Variants in CCSER1 observed in about 807,000 individuals in gnomAD.
CCSER1 encodes the protein coiled-coil serine rich protein 1.
CCSER1 carries 41 observed loss-of-function variants against 82.0 expected under a neutral mutation model. That is an observed-to-expected ratio of 0.50 (90% confidence interval 0.39 to 0.65). The LOEUF is 0.65. Ranked by LOEUF, CCSER1 falls within the 30% of genes least tolerant of loss-of-function variation. CCSER1 has a pLI of 0.00. For missense variants in CCSER1, 1,119 were observed against 1,064.2 expected (o/e 1.05, Z -0.72); for synonymous variants, 414 against 383.9 (o/e 1.08, Z -0.92).
In CCSER1 at chr4:90,309,470, T is replaced by A. The variant is rs1734908829; in HGVS notation, c.1186T>A (p.Phe396Ile). The A allele has an allele frequency of 1.2e-6, 2 of 1,613,876 alleles. No individual in the cohort carries two copies. The highest frequency in any genetic ancestry group is 1.7e-6 in the Non-Finnish European group (2 of 1,179,804). ...LGTNSPRKLG[F>I]YEQHKAIAEH... ...GACAAACTCCCCAAGGAAACTTGGATTTTATGAGCAACATAAAGCAATAGC... is the reference window on the plus strand; with the variant it reads ...GACAAACTCCCCAAGGAAACTTGGAATTTATGAGCAACATAAAGCAATAGC... The change falls in exon 2 of 11, where the codon TTT (phenylalanine) becomes ATT (isoleucine). Residue 396 changes from phenylalanine (F) to isoleucine (I), a missense_variant. Coordinates refer to ENST00000509176, the MANE Select transcript of CCSER1 (RefSeq NM_001145065.2).
At chr4:90,808,140 C>A (rs1435649033) in intron 7 of CCSER1, among the ~76,000 whole-genome samples, 4 of 151,930 alleles carry the variant, frequency 2.6e-5, no homozygotes, top group African/African-American at 7.3e-5. Context: ...ATACACTGAG[C>A]AAAGAACACC....
chr4:90,601,320 A>T (rs1482329092), intron 5 of CCSER1, among the ~76,000 whole-genome samples: 3 of 151,664 alleles, frequency 2.0e-5, no homozygotes, highest in African/African-American at 7.3e-5. Context: ...TTTAATATAT[A>T]TTTAGATATC....
At chr4:91,551,057 T>C (rs1461908289) in intron 10 of CCSER1, among the ~76,000 whole-genome samples, 4 of 152,112 alleles carry the variant, frequency 2.6e-5, no homozygotes, top group Non-Finnish European at 4.4e-5. Flanking sequence ...TCAAATATAA[T>C]TCAAACTACT....
At chr4:90,930,241 C>G (rs1729563965) in intron 9 of CCSER1, among the ~76,000 whole-genome samples, 1 of 152,104 alleles carries the variant, frequency 6.6e-6, no homozygotes, top group Middle Eastern at 3.4e-3. Flanking sequence ...TCAAATTTTT[C>G]TAATATTTTT....
rs566802555 is a variant in CCSER1, at chr4:90,691,614, GTA to G, written c.1933-32294_1933-32293del. Among the ~76,000 whole-genome samples, 187 of 141,270 alleles carry G rather than the reference GTA, an allele frequency of 1.3e-3. 1 individual carries two copies. The highest frequency in any genetic ancestry group is 0.012 in the East Asian group (61 of 5,120). The allele number at this position is 141,270 out of a possible 152,430, so 92.7% of individuals were successfully genotyped here. ...TATATCACATGTGTATATATCACAT[GTA>G]TATATGTGTATGTATATATATCACA... On this transcript the variant is annotated intron_variant, in intron 6 of 10. Coordinates refer to ENST00000509176, the MANE Select transcript of CCSER1 (RefSeq NM_001145065.2).
At position 90,308,367 on chromosome 4, in the gene CCSER1, C is replaced by T. The variant is rs1334344518; in HGVS notation, c.83C>T (p.Ser28Phe). The T allele has an allele frequency of 6.2e-7, 1 of 1,613,498 alleles. No individual in the cohort carries two copies. Reference sequence around the variant, plus strand: ...AGAAGTATTAACAGAAGACATGATTCTCTTCCTTCTTCACCTTCTTCCAGT... The same window carrying T: ...AGAAGTATTAACAGAAGACATGATTTTCTTCCTTCTTCACCTTCTTCCAGT... ...FRRSINRRHDSLPSSPSSSNT... is the reference protein window; with the variant it reads ...FRRSINRRHDFLPSSPSSSNT... The change falls in exon 2 of 11, where the codon TCT (serine) becomes TTT (phenylalanine). Residue 28 changes from serine (S) to phenylalanine (F), a missense_variant. By Grantham distance (155) the Ser-to-Phe change is radical (BLOSUM62 -2). Transcript: ENST00000509176.
At chr4:90,685,480 C>T (rs1734659234) in intron 6 of CCSER1, among the ~76,000 whole-genome samples, 1 of 152,130 alleles carries the variant, frequency 6.6e-6, no homozygotes. Flanking sequence ...ATAGGTCACA[C>T]TTTTAGGTAC....
At chr4:90,387,287 T>G (rs1256385720) in intron 3 of CCSER1, among the ~76,000 whole-genome samples, 1 of 152,020 alleles carries the variant, frequency 6.6e-6, no homozygotes, top group Non-Finnish European at 1.5e-5. Flanking sequence ...CTCTAAAATA[T>G]GACAAAATAG....
At position 91,075,252 on chromosome 4, in the gene CCSER1, A is replaced by T. The variant is rs371842127; in HGVS notation, c.2173-10698A>T. 4.9e-4 allele frequency among the ~76,000 whole-genome samples: 75 copies of T among 152,094 alleles called. 4 individuals are homozygous for T. In the East Asian group the frequency reaches 6.6e-3, roughly 13 times the overall value. ...ACCATCTTAATTTAGCACACTGCAG[A>T]ACATTTGCTTTAGGGTAATTTTTTT... On this transcript the variant is annotated intron_variant, in intron 9 of 10. Coordinates refer to ENST00000509176, the MANE Select transcript of CCSER1 (RefSeq NM_001145065.2).
At chr4:91,285,460 C>T (rs894013485) in intron 10 of CCSER1, among the ~76,000 whole-genome samples, 2 of 151,682 alleles carry the variant, frequency 1.3e-5, no homozygotes, top group African/African-American at 4.8e-5. Flanking sequence ...TTGAATTAAA[C>T]TTACCTTTTG....
chr4:90,691,601 G>GTA (rs1262345106), intron 6 of CCSER1, among the ~76,000 whole-genome samples: 16 of 127,690 alleles, frequency 1.3e-4, no homozygotes, highest in African/African-American at 3.2e-4. Flanking sequence ...TATCACATGT[G>GTA]TATATATCAC....
At chr4:91,101,087 G>A (rs1167727735) in intron 10 of CCSER1, among the ~76,000 whole-genome samples, 1 of 152,168 alleles carries the variant, frequency 6.6e-6, no homozygotes, top group Admixed American at 6.5e-5. Context: ...GCTTCTGACA[G>A]ACACAAAATC....
Position 91,024,425 on chromosome 4 carries a change from TA to T in CCSER1, c.2173-61524del, listed in dbSNP as rs201698807. The stretch of plus-strand genomic sequence containing the variant: ...ACCAAAAAATGGTTTGTAATACATT[TA>T]TTTTTTTTAAATTCTGAGAAAAACT... On this transcript the variant is annotated intron_variant, in intron 9 of 10. Coordinates refer to ENST00000509176, the MANE Select transcript of CCSER1 (RefSeq NM_001145065.2). Among the ~76,000 whole-genome samples the T allele has an allele frequency of 7.2e-3, 1,091 of 152,120 alleles. 10 individuals are homozygous for T. The highest frequency in any genetic ancestry group is 0.025 in the African/African-American group (1,048 of 41,522).
intron 8 of CCSER1, among the ~76,000 whole-genome samples, chr4:90,859,955 A>G (rs1469961519): frequency 6.6e-6 from 1 of 151,690 alleles, no homozygotes; most frequent in Admixed American, 6.6e-5. Context: ...ATTTTTATCA[A>G]ACAGATTTGA....
In CCSER1 at chr4:91,196,472, A is replaced by G. The variant is rs188147497; in HGVS notation, c.2217+110478A>G. ...TAAAAACAGCATGTTCTTTTTATGA[A>G]TATGTTCTTTGTAAAAAGAAAGGAA... On this transcript the variant is annotated intron_variant, in intron 10 of 10. Coordinates refer to ENST00000509176, the MANE Select transcript of CCSER1 (RefSeq NM_001145065.2). Among the ~76,000 whole-genome samples, 539 of 152,318 alleles carry G rather than the reference A, an allele frequency of 3.5e-3. 2 individuals carry two copies. The highest frequency in any genetic ancestry group is 0.012 in the African/African-American group (501 of 41,570).
intron 10 of CCSER1, among the ~76,000 whole-genome samples, chr4:91,443,132 C>T (rs904523391): frequency 6.6e-6 from 1 of 151,930 alleles, no homozygotes; most frequent in Non-Finnish European, 1.5e-5. Context: ...GGTATATACC[C>T]AAAGGACTAT....
rs898501933 is a variant in CCSER1, at chr4:90,127,827, T to G, written c.-46T>G. 2 of 152,146 alleles carry G rather than the reference T, an allele frequency of 1.3e-5. No individual in the cohort carries two copies. Among genetic ancestry groups the G allele is most frequent in the African/African-American group, 4.8e-5 (2 of 41,402 alleles). 9.4% of individuals were successfully genotyped at this position (152,146 alleles called of 1,614,324 possible). ...GAGCCTTAACAAGCGCACGGAGCCC[T>G]CAAGGTAGTAACGCCCCTGGTGCCT... On this transcript the variant is annotated 5_prime_UTR_variant, in exon 1 of 11. Transcript: ENST00000509176.
intron 7 of CCSER1, among the ~76,000 whole-genome samples, chr4:90,735,029 T>A (rs1745421676): frequency 6.6e-6 from 1 of 152,158 alleles, no homozygotes; most frequent in South Asian, 2.1e-4. Flanking sequence ...GTTTTTATCA[T>A]GAAAGAGTGT....
intron 10 of CCSER1, among the ~76,000 whole-genome samples, chr4:91,249,501 C>T (rs1740084309): frequency 1.3e-5 from 2 of 152,088 alleles, no homozygotes; most frequent in Non-Finnish European, 2.9e-5. Context: ...TTCAATATTG[C>T]CTCACTTTCT....
Sources: gnomAD v4.1 joint callset for allele counts (sites outside exome capture counted in the v4.1 genomes callset) on GRCh38, gnomAD v4.1.1 for gene constraint, MANE v1.5 for transcripts, NCBI Gene and HGNC (gene_info 2026-07-23, HGNC 2026-07-21) for gene names.